The following SLC25A12 variants were observed in gnomAD, a reference collection of about 807,000 sequenced individuals.
SLC25A12 encodes solute carrier family 25 member 12, also known as electrogenic aspartate/glutamate antiporter SLC25A12, mitochondrial.
SLC25A12 carries 32 observed loss-of-function variants against 83.3 expected under a neutral mutation model. The ratio of observed to expected loss-of-function variants is 0.38; its 90% CI spans 0.29 to 0.52. SLC25A12 has a LOEUF of 0.52. Among genes scored for constraint, SLC25A12 ranks in the 20% least tolerant of loss-of-function variants. SLC25A12 has a pLI of 0.84. For synonymous variants in SLC25A12, 267 were observed against 291.1 expected (o/e 0.92, Z 0.84); for missense variants, 611 against 835.6 (o/e 0.73, Z 3.31).
chr2:171,820,927 T>C (rs904276179), intron 9 of SLC25A12, among the ~76,000 whole-genome samples: 33 of 151,760 alleles, frequency 2.2e-4, no homozygotes, highest in Non-Finnish European at 4.4e-4. Flanking sequence ...TAGGTCATCT[T>C]AATAGCACAA....
chr2:171,886,453 T>TC (rs1445964093), intron 2 of SLC25A12, among the ~76,000 whole-genome samples: 1 of 151,278 alleles, frequency 6.6e-6, no homozygotes, highest in Admixed American at 6.6e-5. Context: ...GGCTGTTTTT[T>TC]TTTTTTTTCT....
At chr2:171,849,229 T>A (rs1025435955) in intron 4 of SLC25A12, among the ~76,000 whole-genome samples, 2 of 149,082 alleles carry the variant, frequency 1.3e-5, no homozygotes, top group African/African-American at 5.1e-5. Context: ...ACATACATAC[T>A]ATTATTATTG....
intron 13 of SLC25A12, among the ~76,000 whole-genome samples, chr2:171,800,654 G>A (rs920560101): frequency 6.6e-6 from 1 of 152,104 alleles, no homozygotes; most frequent in Non-Finnish European, 1.5e-5. Flanking sequence ...TTGACAAAAA[G>A]ATTTGTACAA....
At chr2:171,840,233 A>G (rs1451209596) in intron 5 of SLC25A12, among the ~76,000 whole-genome samples, 1 of 152,002 alleles carries the variant, frequency 6.6e-6, no homozygotes, top group Non-Finnish European at 1.5e-5. Context: ...AAAATACAAA[A>G]AATTAGGCAG....
At chr2:171,816,412 C>T (rs1684051193) in intron 9 of SLC25A12, among the ~76,000 whole-genome samples, 1 of 152,074 alleles carries the variant, frequency 6.6e-6, no homozygotes, top group African/African-American at 2.4e-5. Context: ...TCCATGGATG[C>T]TCATGTCCCT....
intron 2 of SLC25A12, among the ~76,000 whole-genome samples, chr2:171,890,670 A>T (rs1359872586): frequency 1.3e-5 from 2 of 152,142 alleles, no homozygotes; most frequent in African/African-American, 4.8e-5. Context: ...TTTTGCAGAG[A>T]CGAGGTCTCA....
intron 11 of SLC25A12, 150 bp from the exon 12 acceptor site, chr2:171,810,426 T>C: frequency 1.4e-6 from 1 of 712,314 alleles, no homozygotes; most frequent in Non-Finnish European, 2.6e-6. Context: ...TAAAACTCTG[T>C]ATACATATGT....
chr2:171,802,330 T>A (rs1683724954), intron 13 of SLC25A12, among the ~76,000 whole-genome samples: 1 of 152,004 alleles, frequency 6.6e-6, no homozygotes, highest in South Asian at 2.1e-4. Flanking sequence ...TAACCTAGAG[T>A]TCAATTTATA....
At chr2:171,893,152 C>T (rs1685980727) in intron 2 of SLC25A12, 53 bp downstream of exon 2, 3 of 1,401,924 alleles carry the variant, frequency 2.1e-6, no homozygotes, top group African/African-American at 1.4e-5. Context: ...GGACTAAGGA[C>T]ATGTACGTTT....
intron 8 of SLC25A12, among the ~76,000 whole-genome samples, chr2:171,827,107 A>G (rs557674577): frequency 1.3e-5 from 2 of 152,344 alleles, no homozygotes; most frequent in Admixed American, 1.3e-4. Context: ...GAATTTGGTA[A>G]GACTCCAGTG....
chr2:171,789,281 T>A (rs1432195299), intron 15 of SLC25A12, among the ~76,000 whole-genome samples: 1 of 151,938 alleles, frequency 6.6e-6, no homozygotes, highest in Non-Finnish European at 1.5e-5. Context: ...CAGGCTGGAG[T>A]GCAGTGGCAC....
intron 4 of SLC25A12, among the ~76,000 whole-genome samples, chr2:171,844,742 T>G (rs1382463124): frequency 6.6e-6 from 1 of 152,046 alleles, no homozygotes; most frequent in Non-Finnish European, 1.5e-5. Flanking sequence ...GGCCATGAGA[T>G]TCTTAATTTC....
chr2:171,894,099 T>G, intron 1 of SLC25A12, 104 bp downstream of exon 1: 1 of 1,462,732 alleles, frequency 6.8e-7, no homozygotes, highest in Non-Finnish European at 9.4e-7. Context: ...ACAAGCTATC[T>G]AAGACCTAGA....
chr2:171,840,517 T>C (rs1275577639), intron 5 of SLC25A12, among the ~76,000 whole-genome samples: 3 of 151,960 alleles, frequency 2.0e-5, no homozygotes, highest in Admixed American at 6.5e-5. Flanking sequence ...CTTCAATATC[T>C]TTGAAGAAGT....
At chr2:171,836,960 G>GCACACACA (rs3836020) in intron 6 of SLC25A12, among the ~76,000 whole-genome samples, 161 bp downstream of exon 6, 1 of 146,476 alleles carries the variant, frequency 6.8e-6, no homozygotes, top group Non-Finnish European at 1.5e-5. Flanking sequence ...ACACACACAT[G>GCACACACA]CACACACACA....
At chr2:171,891,228 G>A (rs374910688) in intron 2 of SLC25A12, among the ~76,000 whole-genome samples, 1 of 152,022 alleles carries the variant, frequency 6.6e-6, no homozygotes, top group African/African-American at 2.4e-5. Flanking sequence ...GAACCCCGGA[G>A]GCAGAAGTTG....
chr2:171,858,999 G>A (rs183123194), intron 3 of SLC25A12, among the ~76,000 whole-genome samples: 1 of 152,298 alleles, frequency 6.6e-6, no homozygotes, highest in East Asian at 1.9e-4. Flanking sequence ...CCTTAGAAAG[G>A]CAAACGTTAA....
At chr2:171,789,142 G>A (rs1348097943) in intron 15 of SLC25A12, among the ~76,000 whole-genome samples, 2 of 152,176 alleles carry the variant, frequency 1.3e-5, no homozygotes. Flanking sequence ...GCCAAGTGTG[G>A]TGGTTCACGC....
chr2:171,845,809 A>G (rs1228206163), intron 4 of SLC25A12: 8 of 455,300 alleles, frequency 1.8e-5, no homozygotes. Context: ...CACTGGGGAG[A>G]TGGGATTCTC....
Sources: allele counts gnomAD v4.1 joint callset (sites outside exome capture counted in the v4.1 genomes callset), GRCh38; gene constraint gnomAD v4.1.1; transcripts MANE v1.5; gene names NCBI Gene and HGNC (gene_info 2026-07-23, HGNC 2026-07-21).